Variants in IPCEF1 observed in about 807,000 individuals in gnomAD.
The protein encoded by IPCEF1 is interactor protein for cytohesin exchange factors 1.
IPCEF1 carries 31 observed loss-of-function variants against 50.9 expected under a neutral mutation model. The ratio of observed to expected loss-of-function variants is 0.61; its 90% confidence interval spans 0.46 to 0.82. The LOEUF (loss-of-function observed/expected upper bound fraction) is 0.82, where lower values mean the gene tolerates loss of function less well. Among genes scored for constraint, IPCEF1 ranks in the 40% least tolerant of loss-of-function variants. IPCEF1 has a pLI of 0.00. For synonymous variants in IPCEF1, 181 were observed against 192.0 expected (o/e 0.94, Z 0.47); for missense variants, 458 against 514.0 (o/e 0.89, Z 1.05).
At chr6:154,279,035 G>A (rs1407590796) in intron 2 of IPCEF1, among the ~76,000 whole-genome samples, 1 of 151,028 alleles carries the variant, frequency 6.6e-6, no homozygotes, top group Non-Finnish European at 1.5e-5. Context: ...TGGGGTGAGA[G>A]GATCCCTTGA....
rs994906049 is a variant in IPCEF1, at chr6:154,264,019, C to G, written c.36+1893G>C. On this transcript the variant is annotated intron_variant, in intron 3 of 11. Transcript: ENST00000367220. ...GCGGGGGGCTGACCCCCCCCACCTC[C>G]CTCCCAGACTGTAAATGAGTCTTTA... Among the ~76,000 whole-genome samples the G allele has an allele frequency of 6.6e-5, 10 of 151,474 alleles. No individual in the cohort carries two copies. The East Asian group carries it at 2.0e-3, about 30-fold the overall frequency.
intron 10 of IPCEF1, among the ~76,000 whole-genome samples, chr6:154,185,447 C>T (rs1246597545): frequency 6.6e-6 from 1 of 152,188 alleles, no homozygotes; most frequent in Non-Finnish European, 1.5e-5. Flanking sequence ...ACTGCCATCA[C>T]TTGCCCCCAA....
chr6:154,242,299 T>C (rs919135452), intron 5 of IPCEF1, among the ~76,000 whole-genome samples: 3 of 152,222 alleles, frequency 2.0e-5, no homozygotes, highest in African/African-American at 7.2e-5. Flanking sequence ...TTTTCCCATA[T>C]CTGTTTTTAA....
chr6:154,253,375 C>G (rs1428956623), intron 3 of IPCEF1, among the ~76,000 whole-genome samples: 1 of 152,168 alleles, frequency 6.6e-6, no homozygotes, highest in Non-Finnish European at 1.5e-5. Context: ...AATATTTTAA[C>G]AAAACTAGAA....
intron 1 of IPCEF1, among the ~76,000 whole-genome samples, chr6:154,293,572 T>C (rs1554302379): frequency 6.6e-6 from 1 of 152,202 alleles, no homozygotes; most frequent in Non-Finnish European, 1.5e-5. Flanking sequence ...ATAATGAGTG[T>C]GATATTATTG....
intron 2 of IPCEF1, among the ~76,000 whole-genome samples, chr6:154,277,787 T>C (rs534092788): frequency 6.7e-4 from 102 of 152,348 alleles, no homozygotes; most frequent in Non-Finnish European, 1.0e-3. Context: ...CATTCCTTTA[T>C]AGACTTTGCC....
chr6:154,348,710 G>A (rs1301617367), intron 1 of IPCEF1, among the ~76,000 whole-genome samples: 2 of 152,192 alleles, frequency 1.3e-5, no homozygotes, highest in Non-Finnish European at 2.9e-5. Flanking sequence ...AATATCATTT[G>A]CTTCAGGCTT....
chr6:154,220,617 G>A (rs1321949509), intron 7 of IPCEF1, among the ~76,000 whole-genome samples: 5 of 152,254 alleles, frequency 3.3e-5, no homozygotes, highest in East Asian at 3.9e-4. Flanking sequence ...ACTCCAGCCT[G>A]GGCAACAGAA....
intron 2 of IPCEF1, 29 bp from the exon 3 acceptor site, chr6:154,265,993 A>T: frequency 7.5e-7 from 1 of 1,340,232 alleles, no homozygotes; most frequent in Non-Finnish European, 1.1e-6. Flanking sequence ...TTTCAGTTAA[A>T]TGTGAGATTA....
intron 7 of IPCEF1, among the ~76,000 whole-genome samples, chr6:154,214,742 T>TA (rs1318159435): frequency 1.3e-5 from 2 of 152,098 alleles, no homozygotes; most frequent in African/African-American, 2.4e-5. Flanking sequence ...TGTCAATCAG[T>TA]AAAAAAAATC....
rs1798633872 is a variant in IPCEF1, at chr6:154,154,512, A to G, written c.*5316T>C. The G allele has an allele frequency of 6.6e-6, 1 of 152,200 alleles. No individual in the cohort carries two copies. The highest frequency in any genetic ancestry group is 1.5e-5 in the Non-Finnish European group (1 of 68,030). The allele number at this position is 152,200 out of a possible 1,614,324, so 9.4% of individuals were successfully genotyped here. The stretch of plus-strand genomic sequence containing the variant: ...TGAAACAGATTTCCAATATAATTAG[A>G]TCTTTTATTTAAAAATAAAAACAAG... On this transcript the variant is annotated 3_prime_UTR_variant, in exon 12 of 12. Coordinates refer to ENST00000367220, the MANE Select transcript of IPCEF1 (RefSeq NM_001130700.2).
chr6:154,330,710 C>T (rs866884536), intron 1 of IPCEF1, among the ~76,000 whole-genome samples: 1 of 152,180 alleles, frequency 6.6e-6, no homozygotes, highest in African/African-American at 2.4e-5. Context: ...TACAGCACCC[C>T]TCACAAGTAT....
At position 154,236,836 on chromosome 6, in the gene IPCEF1, G is replaced by A. The variant is rs547169800; in HGVS notation, c.246+9755C>T. On this transcript the variant is annotated intron_variant, in intron 5 of 11. Transcript: ENST00000367220. ...TCAGGGTAGAATTAAAATTGGGTGC[G>A]TTCTCTTTCAAGGGAATGTAGAGAT... is the stretch of plus-strand genomic sequence containing the variant. 1.4e-4 allele frequency among the ~76,000 whole-genome samples: 22 copies of A among 152,256 alleles called. No individual in the cohort carries two copies. In the East Asian group the frequency reaches 1.9e-3, roughly 13 times the overall value.
intron 1 of IPCEF1, among the ~76,000 whole-genome samples, chr6:154,309,892 T>C (rs1388367054): frequency 1.3e-5 from 2 of 151,952 alleles, no homozygotes; most frequent in African/African-American, 2.4e-5. Flanking sequence ...GCCTCCCAAG[T>C]AGCTGGGATT....
chr6:154,160,812 A>G (rs1355910099), intron 11 of IPCEF1, among the ~76,000 whole-genome samples: 1 of 152,214 alleles, frequency 6.6e-6, no homozygotes, highest in Non-Finnish European at 1.5e-5. Context: ...TCCCATGACC[A>G]TAATCCTAAG....
intron 5 of IPCEF1, among the ~76,000 whole-genome samples, chr6:154,231,565 C>T (rs527310467): frequency 4.9e-4 from 74 of 152,322 alleles, no homozygotes; most frequent in South Asian, 1.0e-3. Flanking sequence ...CCATACAACG[C>T]GTAGAGCAAT....
intron 7 of IPCEF1, 43 bp from the exon 8 acceptor site, chr6:154,214,319 C>T (rs375282943): frequency 2.4e-4 from 325 of 1,336,726 alleles, no homozygotes; most frequent in Non-Finnish European, 3.4e-4. Context: ...AAGAGATTAG[C>T]CCCCCACCCA....
At chr6:154,354,935 T>C (rs1038480150) in intron 1 of IPCEF1, among the ~76,000 whole-genome samples, 4 of 151,924 alleles carry the variant, frequency 2.6e-5, no homozygotes, top group Non-Finnish European at 4.4e-5. Context: ...GGAGCACAAG[T>C]AACTCCTCCA....
At chr6:154,181,868 A>G (rs185595735) in intron 10 of IPCEF1, among the ~76,000 whole-genome samples, 260 of 152,324 alleles carry the variant, frequency 1.7e-3, no homozygotes, top group African/African-American at 5.9e-3. Flanking sequence ...AGCAGAAGGT[A>G]ATAATCATAA....
Sources: allele counts gnomAD v4.1 joint callset (sites outside exome capture counted in the v4.1 genomes callset), GRCh38; gene constraint gnomAD v4.1.1; transcripts MANE v1.5; gene names NCBI Gene and HGNC (gene_info 2026-07-23, HGNC 2026-07-21).